Variants in CCDC178 observed in about 807,000 individuals in gnomAD.
The protein encoded by CCDC178 is coiled-coil domain containing 178.
Under a neutral mutation model 117.4 loss-of-function variants are expected in CCDC178, and 126 were observed. The observed-to-expected ratio is 1.07, with a 90% confidence interval of 0.93 to 1.24. The LOEUF is 1.24. Among genes scored for constraint, CCDC178 ranks in the 50% most tolerant of loss-of-function variants. The probability of loss-of-function intolerance (pLI) is 0.00; values close to 1 mark genes in which losing one functional copy is unlikely to be tolerated. For missense variants in CCDC178, 1,030 were observed against 986.9 expected (o/e 1.04, Z -0.59); for synonymous variants, 283 against 313.4 (o/e 0.90, Z 1.02).
chr18:32,957,035 CA>C (rs1231463878), intron 22 of CCDC178, among the ~76,000 whole-genome samples: 1 of 152,110 alleles, frequency 6.6e-6, no homozygotes, highest in Non-Finnish European at 1.5e-5. Flanking sequence ...GTAAAGATAA[CA>C]TTTCATAATC....
chr18:33,059,553 GGTGA>G (rs910570437), intron 21 of CCDC178, among the ~76,000 whole-genome samples: 1 of 152,082 alleles, frequency 6.6e-6, no homozygotes, highest in African/African-American at 2.4e-5. Context: ...ATACAAATAT[GGTGA>G]GTGAGTGCCA....
intron 21 of CCDC178, among the ~76,000 whole-genome samples, chr18:33,020,621 A>G (rs907447914): frequency 4.6e-5 from 7 of 152,296 alleles, no homozygotes; most frequent in Admixed American, 3.9e-4. Context: ...GCTGATCACA[A>G]TGGGAATGTT....
In CCDC178 at chr18:33,031,646, C is replaced by T. The variant is rs535936893; in HGVS notation, c.2389-56965G>A. On this transcript the variant is annotated intron_variant, in intron 21 of 22. Transcript: ENST00000383096. ...ATTTGTTCCTATGGATTCAAGGAAC[C>T]AGCTGGCTCCAGTACAGTTTTGTTT... 3.9e-5 allele frequency among the ~76,000 whole-genome samples: 6 copies of T among 152,018 alleles called. No homozygotes were observed. In the South Asian group the frequency reaches 1.0e-3, roughly 26 times the overall value.
At chr18:33,412,143 A>G in intron 2 of CCDC178, 33 bp from the exon 3 acceptor site, 1 of 820,960 alleles carries the variant, frequency 1.2e-6, no homozygotes, top group Admixed American at 2.5e-5. Context: ...AAATATCATG[A>G]ATCTAAATTA....
intron 18 of CCDC178, among the ~76,000 whole-genome samples, chr18:33,220,257 C>T (rs773264606): frequency 7.2e-5 from 11 of 151,916 alleles, no homozygotes; most frequent in East Asian, 1.9e-4. Flanking sequence ...TACAATGCAC[C>T]GATTACTGTA....
rs760788903 is a variant in CCDC178 at position 33,212,096 on chromosome 18, TTTTA to T, written c.2079-45_2079-42del. The T allele has an allele frequency of 2.4e-4, 341 of 1,446,150 alleles. 1 individual carries two copies. In the Middle Eastern group the frequency reaches 4.8e-3, roughly 21 times the overall value. The allele number at this position is 1,446,150 out of a possible 1,614,324, so 89.6% of individuals were successfully genotyped here. A position where few individuals can be genotyped will look rare whatever the true frequency, so the allele number is the denominator to read the frequency against. ...TCCATGTGCCACTAATCAATTCACA[TTTTA>T]TTTTTCAAAATGCATTTATGAGACA... On this transcript the variant is annotated intron_variant, in intron 19 of 22. Transcript: ENST00000383096.
Position 32,957,357 on chromosome 18 carries a change from T to C in CCDC178, c.2523+17190A>G, listed in dbSNP as rs528112847. 5.9e-5 allele frequency among the ~76,000 whole-genome samples: 9 copies of C among 152,302 alleles called. No individual in the cohort carries two copies. In the East Asian group the frequency reaches 1.5e-3, roughly 26 times the overall value. ...CTGCATTGCAGATGTTTTTATTTGT[T>C]TGTTTGCTTTTTGCATCCAAAATGG... On this transcript the variant is annotated intron_variant, in intron 22 of 22. Coordinates refer to ENST00000383096, the MANE Select transcript of CCDC178 (RefSeq NM_001105528.4).
intron 6 of CCDC178, among the ~76,000 whole-genome samples, chr18:33,365,842 CAA>C (rs745737783): frequency 1.1e-4 from 17 of 151,968 alleles, no homozygotes; most frequent in Non-Finnish European, 1.9e-4. Context: ...AAAAATAAAA[CAA>C]GAGTCTTTTA....
At chr18:33,025,127 C>T (rs2144841418) in intron 21 of CCDC178, among the ~76,000 whole-genome samples, 1 of 152,128 alleles carries the variant, frequency 6.6e-6, no homozygotes, top group South Asian at 2.1e-4. Context: ...AGAACATAAC[C>T]AAGTGGACTT....
chr18:33,291,368 C>G (rs369411746), intron 12 of CCDC178, among the ~76,000 whole-genome samples: 1 of 151,960 alleles, frequency 6.6e-6, no homozygotes, highest in South Asian at 2.1e-4. Flanking sequence ...TCTTACAAAT[C>G]AGTGAGATGA....
At chr18:33,361,782 C>G (rs1317528531) in intron 6 of CCDC178, among the ~76,000 whole-genome samples, 1 of 151,524 alleles carries the variant, frequency 6.6e-6, no homozygotes, top group Non-Finnish European at 1.5e-5. Context: ...AGGATGACTA[C>G]TATAAAAAAG....
chr18:33,015,204 C>T (rs1598790384), intron 21 of CCDC178, among the ~76,000 whole-genome samples: 1 of 148,338 alleles, frequency 6.7e-6, no homozygotes, highest in Non-Finnish European at 1.5e-5. Context: ...TGCAGTGAGC[C>T]AAGATCATGC....
At chr18:33,267,378 T>C in intron 12 of CCDC178, 81 bp from the exon 13 acceptor site, 1 of 773,360 alleles carries the variant, frequency 1.3e-6, no homozygotes, top group Non-Finnish European at 2.0e-6. Context: ...TTAATCATGA[T>C]AAAGTAGAAT....
At chr18:33,234,668 A>G (rs149273272) in intron 15 of CCDC178, among the ~76,000 whole-genome samples, 136 of 152,206 alleles carry the variant, frequency 8.9e-4, no homozygotes, top group Non-Finnish European at 1.8e-3. Context: ...GAGCATATTG[A>G]CAATATGACT....
rs150967044 is a variant in CCDC178, at chr18:33,116,172, G to A, written c.2239-23262C>T. The stretch of plus-strand genomic sequence containing the variant: ...CTGCAAAGCTGAGCTACTACAGAGG[G>A]GGCTTTACCTTTCTAAACCTCAAGC... On this transcript the variant is annotated intron_variant, in intron 20 of 22. Coordinates refer to ENST00000383096, the MANE Select transcript of CCDC178 (RefSeq NM_001105528.4). Among the ~76,000 whole-genome samples, 256 of 152,016 alleles carry A rather than the reference G, an allele frequency of 1.7e-3. 2 individuals are homozygous for A. Among genetic ancestry groups the A allele is most frequent in the African/African-American group, 6.0e-3 (247 of 41,472 alleles).
chr18:33,032,009 G>A (rs957837153), intron 21 of CCDC178, among the ~76,000 whole-genome samples: 2 of 152,016 alleles, frequency 1.3e-5, no homozygotes, highest in African/African-American at 2.4e-5. Context: ...ATAACACAGT[G>A]CAATTCTAAT....
At chr18:33,271,594 C>T (rs917057886) in intron 12 of CCDC178, among the ~76,000 whole-genome samples, 1 of 151,348 alleles carries the variant, frequency 6.6e-6, no homozygotes, top group Non-Finnish European at 1.5e-5. Context: ...TATGAATCCA[C>T]CCAACAACAA....
At chr18:33,191,083 G>A (rs2058851976) in intron 20 of CCDC178, among the ~76,000 whole-genome samples, 1 of 151,954 alleles carries the variant, frequency 6.6e-6, no homozygotes, top group African/African-American at 2.4e-5. Context: ...CTATTATTCT[G>A]TTATGTTCCA....
At chr18:33,376,282 G>A (rs185725695) in intron 5 of CCDC178, among the ~76,000 whole-genome samples, 13 of 152,224 alleles carry the variant, frequency 8.5e-5, no homozygotes, top group Admixed American at 4.6e-4. Flanking sequence ...GGGGAGGGGC[G>A]GGGAGGGCGT....
Sources: gnomAD v4.1 joint callset for allele counts (sites outside exome capture counted in the v4.1 genomes callset) on GRCh38, gnomAD v4.1.1 for gene constraint, MANE v1.5 for transcripts, NCBI Gene and HGNC (gene_info 2026-07-23, HGNC 2026-07-21) for gene names.